Variants in PCED1B observed in about 807,000 individuals in gnomAD.
PCED1B encodes PC-esterase domain containing 1B, also known as PC-esterase domain-containing protein 1B.
For synonymous variants in PCED1B, 251 were observed against 246.1 expected, an observed-to-expected ratio of 1.02 and a Z score of -0.19; for missense variants, 573 against 573.9, an observed-to-expected ratio of 1.00 and a Z score of 0.02.
At chr12:47,175,774 G>A (rs1322717648) in intron 2 of PCED1B, among the ~76,000 whole-genome samples, 1 of 151,944 alleles carries the variant, frequency 6.6e-6, no homozygotes, top group Admixed American at 6.6e-5. Context: ...GTTTCACCAT[G>A]TTGGTCAGGC....
At chr12:47,092,531 A>G (rs576921628) in intron 1 of PCED1B, among the ~76,000 whole-genome samples, 24 of 151,908 alleles carry the variant, frequency 1.6e-4, no homozygotes, top group Non-Finnish European at 3.1e-4. Flanking sequence ...GACCTTTTGC[A>G]TTGGCTAGAC....
chr12:47,191,682 C>T (rs544552121), intron 2 of PCED1B, among the ~76,000 whole-genome samples: 1 of 152,308 alleles, frequency 6.6e-6, no homozygotes, highest in Non-Finnish European at 1.5e-5. Flanking sequence ...ATAGATTGCC[C>T]TGGGAACCTT....
intron 2 of PCED1B, chr12:47,136,085 C>CTT (rs57549946): frequency 0.11 from 14,281 of 131,378 alleles, 1,552 homozygotes; most frequent in African/African-American, 0.26. Flanking sequence ...CAATTTCTTT[C>CTT]TTTTTTTTTT....
intron 1 of PCED1B, among the ~76,000 whole-genome samples, chr12:47,091,484 T>C (rs1489709079): frequency 6.6e-6 from 1 of 152,154 alleles, no homozygotes; most frequent in Non-Finnish European, 1.5e-5. Context: ...TTAATATTTT[T>C]CTCTCACCTT....
At chr12:47,184,089 C>A (rs1168984280) in intron 2 of PCED1B, among the ~76,000 whole-genome samples, 1 of 152,144 alleles carries the variant, frequency 6.6e-6, no homozygotes, top group African/African-American at 2.4e-5. Flanking sequence ...GTTGCCTAGG[C>A]TGGTCTTGAA....
chr12:47,183,037 A>G (rs1395237192), intron 2 of PCED1B, among the ~76,000 whole-genome samples: 5 of 152,086 alleles, frequency 3.3e-5, no homozygotes, highest in Admixed American at 1.3e-4. Flanking sequence ...GCAATGATTC[A>G]AAGGATGATT....
At chr12:47,113,963 A>C (rs549467385) in intron 2 of PCED1B, among the ~76,000 whole-genome samples, 1,970 of 88,126 alleles carry the variant, frequency 0.022, 41 homozygotes, top group African/African-American at 0.078. Flanking sequence ...AAAGAAAAAA[A>C]AAACACACAC....
chr12:47,171,878 T>C (rs28397062), intron 2 of PCED1B, among the ~76,000 whole-genome samples: 1 of 148,038 alleles, frequency 6.8e-6, no homozygotes, highest in African/African-American at 2.6e-5. Flanking sequence ...TTCTTCTTCT[T>C]TTCTTCTTCT....
chr12:47,168,613 C>G (rs1160927103), intron 2 of PCED1B, among the ~76,000 whole-genome samples: 1 of 152,024 alleles, frequency 6.6e-6, no homozygotes, highest in Admixed American at 6.6e-5. Flanking sequence ...CTTTTCAGCT[C>G]TTAATCTTTA....
chr12:47,135,925 G>A (rs1940343834), intron 2 of PCED1B: 2 of 206,490 alleles, frequency 9.7e-6, no homozygotes, highest in Non-Finnish European at 2.0e-5. Context: ...AACCAGCTGT[G>A]GTTGGGTTGC....
intron 2 of PCED1B, among the ~76,000 whole-genome samples, chr12:47,183,926 A>T (rs932594431): frequency 3.7e-4 from 56 of 152,374 alleles, no homozygotes; most frequent in Admixed American, 3.3e-3. Flanking sequence ...CAGTGGGGAT[A>T]CTGCATGAAC....
At chr12:47,126,207 T>A (rs1045206352) in intron 2 of PCED1B, among the ~76,000 whole-genome samples, 1 of 152,090 alleles carries the variant, frequency 6.6e-6, no homozygotes, top group African/African-American at 2.4e-5. Flanking sequence ...TAGCTTAATG[T>A]GAGTTTTTAT....
chr12:47,108,064 C>T (rs1939034823), intron 2 of PCED1B, among the ~76,000 whole-genome samples: 1 of 152,120 alleles, frequency 6.6e-6, no homozygotes, highest in South Asian at 2.1e-4. Flanking sequence ...TGAGAGCCCT[C>T]AGTAAACAGT....
intron 2 of PCED1B, among the ~76,000 whole-genome samples, chr12:47,105,404 T>C (rs1938902941): frequency 1.3e-5 from 2 of 152,144 alleles, no homozygotes; most frequent in Admixed American, 1.3e-4. Flanking sequence ...TGAGGGTTCA[T>C]GAAGATATTG....
At chr12:47,097,352 A>G (rs2137200611) in intron 1 of PCED1B, among the ~76,000 whole-genome samples, 1 of 152,356 alleles carries the variant, frequency 6.6e-6, no homozygotes, top group South Asian at 2.1e-4. Context: ...TAGAGTTTAA[A>G]GAATCAAAAC....
At chr12:47,206,026 A>C (rs1942901600) in intron 2 of PCED1B, 1 of 152,228 alleles carries the variant, frequency 6.6e-6, no homozygotes. Context: ...GTTAGGGATG[A>C]AATCACAAGG....
chr12:47,114,605 C>A (rs1401144143), intron 2 of PCED1B, among the ~76,000 whole-genome samples: 3 of 152,174 alleles, frequency 2.0e-5, no homozygotes, highest in African/African-American at 7.2e-5. Context: ...GCTGCCTCCC[C>A]ACTACTTCTG....
intron 2 of PCED1B, among the ~76,000 whole-genome samples, chr12:47,160,742 G>GC (rs138489686): frequency 0.23 from 35,179 of 151,926 alleles, 5,196 homozygotes; most frequent in Non-Finnish European, 0.33. Context: ...TTTGAATATG[G>GC]TTTTTCCCCA....
chr12:47,145,566 A>C (rs1940754410), intron 2 of PCED1B, among the ~76,000 whole-genome samples: 1 of 152,168 alleles, frequency 6.6e-6, no homozygotes, highest in Non-Finnish European at 1.5e-5. Context: ...GCAACTGGTG[A>C]CTTTAAGTTG....
Sources: allele counts gnomAD v4.1 joint callset (sites outside exome capture counted in the v4.1 genomes callset), GRCh38; gene constraint gnomAD v4.1.1; transcripts MANE v1.5; gene names NCBI Gene and HGNC (gene_info 2026-07-23, HGNC 2026-07-21).